CLSTN1: variants seen among roughly 807,000 people sequenced by gnomAD.
CLSTN1 encodes the protein calsyntenin 1, also known as calsyntenin-1.
A neutral mutation model predicts 108.3 loss-of-function variants in CLSTN1; 28 were observed. The ratio of observed to expected loss-of-function variants is 0.26; its 90% CI spans 0.19 to 0.35. The LOEUF (loss-of-function observed/expected upper bound fraction) is 0.35. Ranked by LOEUF, CLSTN1 falls within the 10% of genes least tolerant of loss-of-function variation. The probability of loss-of-function intolerance (pLI) is 1.00; values close to 1 mark genes in which losing one functional copy is unlikely to be tolerated. For synonymous variants in CLSTN1, 524 were observed against 534.9 expected, an observed-to-expected ratio of 0.98 and a Z score of 0.28; for missense variants, 1,157 against 1,302.6, an observed-to-expected ratio of 0.89 and a Z score of 1.72.
At chr1:9,778,866 T>C (rs1465351797) in intron 1 of CLSTN1, among the ~76,000 whole-genome samples, 2 of 150,944 alleles carry the variant, frequency 1.3e-5, no homozygotes, top group African/African-American at 4.9e-5. Flanking sequence ...AAAAAAAAAT[T>C]ACAAAAATTA....
At chr1:9,803,668 T>C (rs1233267817) in intron 1 of CLSTN1, among the ~76,000 whole-genome samples, 1 of 151,840 alleles carries the variant, frequency 6.6e-6, no homozygotes, top group African/African-American at 2.4e-5. Context: ...CTGGGTGTGG[T>C]GGTATATGCC....
intron 1 of CLSTN1, among the ~76,000 whole-genome samples, chr1:9,775,951 A>G (rs1401767362): frequency 6.7e-6 from 1 of 150,190 alleles, no homozygotes; most frequent in Non-Finnish European, 1.5e-5. Flanking sequence ...GAAGGAAGAC[A>G]GACCAGAACA....
chr1:9,760,631 C>A (rs1056533783), intron 2 of CLSTN1, among the ~76,000 whole-genome samples: 1 of 151,576 alleles, frequency 6.6e-6, no homozygotes, highest in Non-Finnish European at 1.5e-5. Flanking sequence ...GCGATTCTCC[C>A]ACCTCAGCCT....
At chr1:9,803,489 C>A (rs979650766) in intron 1 of CLSTN1, among the ~76,000 whole-genome samples, 2 of 152,168 alleles carry the variant, frequency 1.3e-5, no homozygotes, top group Non-Finnish European at 2.9e-5. Flanking sequence ...GCACAAAGGT[C>A]TTTTATCGTG....
rs1363487449 is a variant in CLSTN1 at position 9,773,329 on chromosome 1, C to T, written c.157G>A (p.Val53Met). The change falls in exon 2 of 19, where the codon GTG becomes ATG. Residue 53 changes from valine (V) to methionine (M), a missense_variant. Transcript: ENST00000377298. ...GCGATCAGTGGGGGGTCGAGGAGCA[C>T]GGTGTTGTCGTTCTCTGTGACTATG... ...HGIVTENDNT[V>M]LLDPPLIALD... is the part of the protein sequence containing the mutation. 4 of 1,614,008 alleles carry T rather than the reference C, an allele frequency of 2.5e-6. No individual in the cohort carries two copies. The highest frequency in any genetic ancestry group is 3.3e-5 in the Admixed American group (2 of 59,988).
At chr1:9,817,450 C>T (rs1044663924) in intron 1 of CLSTN1, among the ~76,000 whole-genome samples, 2 of 152,130 alleles carry the variant, frequency 1.3e-5, no homozygotes, top group Admixed American at 1.3e-4. Context: ...GCCTCAGCCT[C>T]CCGAGTAGCT....
intron 1 of CLSTN1, among the ~76,000 whole-genome samples, chr1:9,781,674 C>A (rs1397812863): frequency 6.6e-6 from 1 of 152,086 alleles, no homozygotes; most frequent in Non-Finnish European, 1.5e-5. Context: ...AACTCCCGGC[C>A]TCAGGTGATC....
intron 15 of CLSTN1, 131 bp downstream of exon 15, chr1:9,733,841 G>T: frequency 2.1e-6 from 2 of 958,250 alleles, no homozygotes; most frequent in Non-Finnish European, 3.1e-6. Flanking sequence ...TGATCCCAGC[G>T]AACGTGCTCC....
rs777471267 is a variant in CLSTN1 at position 9,751,505 on chromosome 1, G to A, written c.617C>T (p.Thr206Ile). The A allele has an allele frequency of 6.2e-7, 1 of 1,614,168 alleles. No individual in the cohort carries two copies. The highest frequency in any genetic ancestry group is 2.2e-5 in the East Asian group (1 of 44,882). ...FSQICSYEII[T>I]PDVPFTVDKD... ...GTCAACAGTAAAGGGCACGTCTGGAGTGATGATTTCGTAGCTGCAAATCTG... is the reference window on the plus strand; with the variant it reads ...GTCAACAGTAAAGGGCACGTCTGGAATGATGATTTCGTAGCTGCAAATCTG... The change falls in exon 5 of 19, where the codon ACT (threonine) becomes ATT (isoleucine). Residue 206 changes from threonine to isoleucine, a missense_variant. Thr to Ile is a moderately conservative substitution (Grantham distance 89). Coordinates refer to ENST00000377298, the MANE Select transcript of CLSTN1 (RefSeq NM_001009566.3).
intron 7 of CLSTN1, among the ~76,000 whole-genome samples, chr1:9,747,144 A>G (rs915525650): frequency 7.3e-6 from 1 of 136,644 alleles, no homozygotes; most frequent in Non-Finnish European, 1.5e-5. Flanking sequence ...GCGCCACTGC[A>G]CTCCAGCCTG....
chr1:9,759,778 TAG>T (rs545930474), intron 2 of CLSTN1, among the ~76,000 whole-genome samples: 42 of 152,202 alleles, frequency 2.8e-4, no homozygotes, highest in Non-Finnish European at 5.4e-4. Context: ...ATCTCTGCTC[TAG>T]AGAGACACCC....
chr1:9,778,822 C>T (rs1483116330), intron 1 of CLSTN1, among the ~76,000 whole-genome samples: 1 of 151,758 alleles, frequency 6.6e-6, no homozygotes, highest in Non-Finnish European at 1.5e-5. Flanking sequence ...CGAGACCAGC[C>T]TGGCCAACAT....
intron 2 of CLSTN1, among the ~76,000 whole-genome samples, chr1:9,761,517 AT>A (rs1394052630): frequency 2.0e-5 from 3 of 150,814 alleles, no homozygotes; most frequent in Admixed American, 6.6e-5. Context: ...TTTTTTAAAA[AT>A]TTTTTTAAGG....
intron 1 of CLSTN1, among the ~76,000 whole-genome samples, chr1:9,816,206 A>T (rs528829230): frequency 1.3e-5 from 2 of 152,332 alleles, no homozygotes; most frequent in East Asian, 3.9e-4. Context: ...GATACATGCT[A>T]CAACATGGAT....
chr1:9,798,902 C>A (rs112203122), intron 1 of CLSTN1, among the ~76,000 whole-genome samples: 1 of 152,108 alleles, frequency 6.6e-6, no homozygotes, highest in African/African-American at 2.4e-5. Flanking sequence ...AGACAGGCTG[C>A]GTGTGATGGC....
intron 1 of CLSTN1, among the ~76,000 whole-genome samples, chr1:9,790,803 G>A (rs1653730287): frequency 6.6e-6 from 1 of 151,130 alleles, no homozygotes; most frequent in Non-Finnish European, 1.5e-5. Context: ...AAATCAGGGT[G>A]TGACGATCGC....
At chr1:9,800,506 T>G (rs1465596118) in intron 1 of CLSTN1, among the ~76,000 whole-genome samples, 6 of 138,234 alleles carry the variant, frequency 4.3e-5, no homozygotes, top group African/African-American at 1.6e-4. Context: ...GATCACGAGG[T>G]CAGGAGATCA....
chr1:9,733,055 C>T (rs113466279), intron 16 of CLSTN1, among the ~76,000 whole-genome samples: 2 of 152,178 alleles, frequency 1.3e-5, no homozygotes, highest in African/African-American at 4.8e-5. Context: ...AAACCACATC[C>T]TCCTGTTTCT....
At chr1:9,773,881 C>T (rs1652808032) in intron 1 of CLSTN1, among the ~76,000 whole-genome samples, 1 of 151,868 alleles carries the variant, frequency 6.6e-6, no homozygotes, top group Non-Finnish European at 1.5e-5. Flanking sequence ...TATGTGTGTG[C>T]ACCACCATAC....
Sources: allele counts gnomAD v4.1 joint callset (sites outside exome capture counted in the v4.1 genomes callset), GRCh38; gene constraint gnomAD v4.1.1; transcripts MANE v1.5; gene names NCBI Gene and HGNC (gene_info 2026-07-23, HGNC 2026-07-21).